PIWIL1: variants seen among roughly 807,000 people sequenced by gnomAD.
PIWIL1 encodes the protein piwi-like protein 1.
In PIWIL1, 73 loss-of-function variants were observed where a neutral mutation model predicts 114.4. That is an observed-to-expected ratio of 0.64 (90% CI 0.53 to 0.78). The LOEUF (loss-of-function observed/expected upper bound fraction) is 0.78, where lower values mean the gene tolerates loss of function less well. Ranked by LOEUF, PIWIL1 falls within the 30% of genes least tolerant of loss-of-function variation. PIWIL1 has a pLI of 0.00. For synonymous variants in PIWIL1, 375 were observed against 369.0 expected (o/e 1.02, Z -0.19); for missense variants, 723 against 1,063.1 (o/e 0.68, Z 4.45).
At position 130,371,635 on chromosome 12, in the gene PIWIL1, A is replaced by T; in HGVS notation, c.*37A>T. 2 of 1,310,268 alleles carry T rather than the reference A, an allele frequency of 1.5e-6. No individual in the cohort carries two copies. Among genetic ancestry groups the T allele is most frequent in the Non-Finnish European group, 2.2e-6 (2 of 927,232 alleles). 81.2% of individuals were successfully genotyped at this position (1,310,268 alleles called of 1,614,324 possible). On this transcript the variant is annotated 3_prime_UTR_variant, in exon 21 of 21. Coordinates refer to ENST00000245255, the MANE Select transcript of PIWIL1 (RefSeq NM_004764.5). ...CGATGCAGCCGCTTTTCTTTTTGAA[A>T]TGACTTTGGGATTTTTTTAAGCTTT...
the PIWIL1 span, among the ~76,000 whole-genome samples, chr12:130,392,200 G>T: frequency 0.011 from 170 of 14,874 alleles, 2 homozygotes; most frequent in Middle Eastern, 0.17. Flanking sequence ...TCATCACGTG[G>T]ATGCATCAGT....
At chr12:130,381,079 TGTTACACTTGATGAAC>T in the PIWIL1 span, among the ~76,000 whole-genome samples, 1 of 152,150 alleles carries the variant, frequency 6.6e-6, no homozygotes, top group Non-Finnish European at 1.5e-5. Flanking sequence ...GTGGTTCCCT[TGTTACACTTGATGAAC>T]CTACAGTGAC....
intron 9 of PIWIL1, chr12:130,351,796 C>A (rs549151683): frequency 1.3e-5 from 2 of 152,292 alleles, no homozygotes; most frequent in East Asian, 3.9e-4. Flanking sequence ...TGTCCAGGCC[C>A]TATTTTTATA....
At chr12:130,424,846 G>T in the PIWIL1 span, 1 of 1,232,508 alleles carries the variant, frequency 8.1e-7, no homozygotes, top group Non-Finnish European at 1.0e-6. This position sits in a 1 kb window ranked among gnomAD's most constrained non-coding sequence, Gnocchi z 9.8. Flanking sequence ...GAGGTCCTAT[G>T]GTCAGTGCAG....
chr12:130,397,820 C>T, the PIWIL1 span: 4 of 270,498 alleles, frequency 1.5e-5, no homozygotes, highest in Non-Finnish European at 2.7e-5. Flanking sequence ...GGTAATAATT[C>T]ACTTCATAAA....
chr12:130,339,974 T>C (rs908162111), intron 1 of PIWIL1, among the ~76,000 whole-genome samples: 2 of 152,184 alleles, frequency 1.3e-5, no homozygotes, highest in African/African-American at 4.8e-5. Context: ...GTTTGTAAGG[T>C]GTCAAGCGAC....
intron 3 of PIWIL1, 75 bp downstream of exon 3, chr12:130,343,176 G>T (rs2072972966): frequency 9.9e-7 from 1 of 1,006,308 alleles, no homozygotes; most frequent in Non-Finnish European, 1.4e-6. Context: ...TTAAAACTTG[G>T]TACAAAAATT....
downstream of PIWIL1, among the ~76,000 whole-genome samples, chr12:130,376,861 G>A (rs1161540433): frequency 1.3e-5 from 2 of 152,168 alleles, no homozygotes; most frequent in Non-Finnish European, 2.9e-5. Flanking sequence ...ACACAGAGTC[G>A]TTGCCAGGTT....
At chr12:130,368,049 C>T (rs2073717463) in intron 19 of PIWIL1, among the ~76,000 whole-genome samples, 1 of 152,190 alleles carries the variant, frequency 6.6e-6, no homozygotes, top group South Asian at 2.1e-4. Context: ...CCGCTCGCGT[C>T]AGCCTCCTAA....
chr12:130,365,784 T>G (rs537787085), intron 18 of PIWIL1, among the ~76,000 whole-genome samples: 1 of 152,352 alleles, frequency 6.6e-6, no homozygotes, highest in East Asian at 1.9e-4. Context: ...AAGTCCTAGA[T>G]AGTCATCACT....
At chr12:130,354,839 C>A in intron 10 of PIWIL1, 49 bp from the exon 11 acceptor site, 14 of 1,450,734 alleles carry the variant, frequency 9.7e-6, no homozygotes, top group Non-Finnish European at 1.3e-5. Flanking sequence ...GTTATTTAGA[C>A]CTGATTATTA....
At chr12:130,400,494 A>G in the PIWIL1 span, among the ~76,000 whole-genome samples, 1 of 152,130 alleles carries the variant, frequency 6.6e-6, no homozygotes, top group African/African-American at 2.4e-5. Flanking sequence ...GGTCATCTGC[A>G]CCAAGTGGCT....
Position 130,354,853 on chromosome 12 carries a change from C to T in PIWIL1, c.1172-35C>T, listed in dbSNP as rs781712952. The T allele has an allele frequency of 1.9e-5, 29 of 1,490,602 alleles. No homozygotes were observed. The Admixed American group carries it at 3.6e-4, about 18-fold the overall frequency. The allele number at this position is 1,490,602 out of a possible 1,614,324, so 92.3% of individuals were successfully genotyped here. A position where few individuals can be genotyped will look rare whatever the true frequency, so the allele number is the denominator to read the frequency against. On this transcript the variant is annotated intron_variant, in intron 10 of 20. Coordinates refer to ENST00000245255, the MANE Select transcript of PIWIL1 (RefSeq NM_004764.5). ...AGTTATTTAGACCTGATTATTATTT[C>T]TTTAACCATATGCCTTTAAATGTCT...
Position 130,355,643 on chromosome 12 carries a change from A to G in PIWIL1, c.1380A>G (p.Glu460=), listed in dbSNP as rs775187870. ...TCTCAGGAAGAATTTTGCAAACAGA[A>G]AAGATTCACCAAGGTGGAAAAACAG... ...LSFSGRILQT[E]KIHQGGKTFD... Residue 460 remains glutamate (E), a synonymous_variant, in exon 12 of 21, where the codon GAA becomes GAG. Coordinates refer to ENST00000245255, the MANE Select transcript of PIWIL1 (RefSeq NM_004764.5). 2.5e-6 allele frequency: 4 copies of G among 1,613,668 alleles called. No homozygotes were observed. The highest frequency in any genetic ancestry group is 2.2e-5 in the South Asian group (2 of 91,078).
At chr12:130,368,852 T>C (rs908183074) in intron 19 of PIWIL1, among the ~76,000 whole-genome samples, 2 of 152,080 alleles carry the variant, frequency 1.3e-5, no homozygotes, top group African/African-American at 4.8e-5. Context: ...CAACTGCTGA[T>C]GCTATTCGGA....
the PIWIL1 span, among the ~76,000 whole-genome samples, chr12:130,411,674 G>A: frequency 1.3e-5 from 2 of 152,136 alleles, no homozygotes; most frequent in Admixed American, 6.5e-5. Context: ...AGTCAACTTC[G>A]GGAAAGGAGA....
chr12:130,362,679 A>T, intron 16 of PIWIL1, 87 bp from the exon 17 acceptor site: 5 of 1,124,426 alleles, frequency 4.4e-6, no homozygotes, highest in Non-Finnish European at 6.7e-6. Context: ...ACAGATTGCT[A>T]AGAGTGAAAT....
At chr12:130,401,111 T>TA in the PIWIL1 span, among the ~76,000 whole-genome samples, 2 of 151,688 alleles carry the variant, frequency 1.3e-5, no homozygotes, top group African/African-American at 4.9e-5. Context: ...TAAAAATGAT[T>TA]TTATATCTTT....
intron 12 of PIWIL1, among the ~76,000 whole-genome samples, chr12:130,356,046 AT>A (rs201952571): frequency 0.029 from 4,153 of 144,434 alleles, 120 homozygotes; most frequent in East Asian, 0.082. Context: ...AAGTGGTTCG[AT>A]TTTTTTTTTT....
Sources: gnomAD v4.1 joint callset for allele counts (sites outside exome capture counted in the v4.1 genomes callset) on GRCh38, gnomAD v4.1.1 for gene constraint, Gnocchi (gnomAD v3.1) non-coding constraint, MANE v1.5 for transcripts, NCBI Gene and HGNC (gene_info 2026-07-23, HGNC 2026-07-21) for gene names.